Variants in GRM5 observed in about 807,000 individuals in gnomAD.
GRM5 encodes the protein glutamate metabotropic receptor 5.
Under a neutral mutation model 83.1 loss-of-function variants are expected in GRM5, and 19 were observed. The observed-to-expected ratio is 0.23, with a 90% CI of 0.16 to 0.34. The LOEUF is 0.34. Ranked by LOEUF, GRM5 falls within the 10% of genes least tolerant of loss-of-function variation. The probability of loss-of-function intolerance (pLI) is 1.00; values close to 1 mark genes in which losing one functional copy is unlikely to be tolerated. For synonymous variants in GRM5, 675 were observed against 633.6 expected, an observed-to-expected ratio of 1.07 and a Z score of -0.98; for missense variants, 1,160 against 1,588.3, an observed-to-expected ratio of 0.73 and a Z score of 4.58.
At chr11:88,556,077 A>C (rs1004507428) in intron 8 of GRM5, among the ~76,000 whole-genome samples, 1 of 152,166 alleles carries the variant, frequency 6.6e-6, no homozygotes, top group Non-Finnish European at 1.5e-5. Context: ...TTGCCACCGA[A>C]GGATGTAATG....
chr11:88,712,934 A>ATCTT (rs1941313752), intron 3 of GRM5, among the ~76,000 whole-genome samples: 1 of 152,008 alleles, frequency 6.6e-6, no homozygotes, highest in African/African-American at 2.4e-5. Flanking sequence ...CCTATGTGGT[A>ATCTT]TCTTTGATAT....
At chr11:88,986,876 G>C (rs1320228721) in intron 2 of GRM5, among the ~76,000 whole-genome samples, 1 of 151,790 alleles carries the variant, frequency 6.6e-6, no homozygotes, top group Non-Finnish European at 1.5e-5. Context: ...TCCACTTCTA[G>C]TTAATTTTTG....
intron 2 of GRM5, among the ~76,000 whole-genome samples, chr11:88,896,766 C>T (rs1945234751): frequency 6.6e-6 from 1 of 151,866 alleles, no homozygotes; most frequent in South Asian, 2.1e-4. Context: ...TGGCCACATA[C>T]ATTGGGAAAG....
At chr11:88,523,993 C>A (rs986288049) in intron 9 of GRM5, 12 of 152,100 alleles carry the variant, frequency 7.9e-5, no homozygotes, top group African/African-American at 2.9e-4. Flanking sequence ...TTCCTTTTCT[C>A]TAATCCAGGA....
intron 9 of GRM5, among the ~76,000 whole-genome samples, chr11:88,517,737 G>A (rs987020054): frequency 2.6e-5 from 4 of 152,062 alleles, no homozygotes; most frequent in African/African-American, 9.7e-5. Context: ...CATGTCAGGC[G>A]GTTCCCATTT....
At chr11:88,734,912 G>A (rs1009738216) in intron 3 of GRM5, among the ~76,000 whole-genome samples, 3 of 152,036 alleles carry the variant, frequency 2.0e-5, no homozygotes, top group Non-Finnish European at 4.4e-5. Flanking sequence ...TGACCAAGGA[G>A]AGACATCATA....
chr11:88,845,321 C>CTTT (rs1555026149), intron 3 of GRM5, among the ~76,000 whole-genome samples: 8 of 142,410 alleles, frequency 5.6e-5, no homozygotes, highest in African/African-American at 2.1e-4. Context: ...TGATCACTTG[C>CTTT]TTTTTTTTTT....
chr11:88,986,544 G>A (rs1478389607), intron 2 of GRM5, among the ~76,000 whole-genome samples: 1 of 151,814 alleles, frequency 6.6e-6, no homozygotes, highest in African/African-American at 2.4e-5. Flanking sequence ...TTTTTATTTG[G>A]GTTACTTGTT....
chr11:88,762,370 C>T (rs1005049412), intron 3 of GRM5, among the ~76,000 whole-genome samples: 3 of 151,908 alleles, frequency 2.0e-5, no homozygotes, highest in African/African-American at 7.2e-5. Flanking sequence ...AAAATGTGGA[C>T]AAAGTACATG....
rs563547353 is a variant in GRM5, at chr11:88,967,587, G to A, written c.661+79625C>T. Among the ~76,000 whole-genome samples, 392 of 151,944 alleles carry A rather than the reference G, an allele frequency of 2.6e-3. 1 individual carries two copies. Among genetic ancestry groups the A allele is most frequent in the African/African-American group, 8.7e-3 (361 of 41,448 alleles). On this transcript the variant is annotated intron_variant, in intron 2 of 9. Coordinates refer to ENST00000305447, the MANE Select transcript of GRM5 (RefSeq NM_001143831.3). ...ATAAGGACACTACTCCTGCAATAACGGCATTAATCCATTCATGAGGGCAAA... is the reference window on the plus strand; with the variant it reads ...ATAAGGACACTACTCCTGCAATAACAGCATTAATCCATTCATGAGGGCAAA...
At chr11:89,046,931 A>C (rs1450934504) in intron 2 of GRM5, among the ~76,000 whole-genome samples, 1 of 152,228 alleles carries the variant, frequency 6.6e-6, no homozygotes, top group East Asian at 1.9e-4. Flanking sequence ...AAATCATTAG[A>C]GTAGAAGTAT....
At chr11:88,951,708 C>T (rs766809194) in intron 2 of GRM5, among the ~76,000 whole-genome samples, 33 of 152,122 alleles carry the variant, frequency 2.2e-4, no homozygotes, top group African/African-American at 6.3e-4. Flanking sequence ...TAAACAACAA[C>T]GTCTATAGTG....
chr11:88,712,408 G>A (rs1941302665), intron 3 of GRM5, among the ~76,000 whole-genome samples: 1 of 151,942 alleles, frequency 6.6e-6, no homozygotes, highest in Non-Finnish European at 1.5e-5. Context: ...GTAGAGAAAT[G>A]ATGTCTTATT....
chr11:88,948,108 G>A (rs938179110), intron 2 of GRM5, among the ~76,000 whole-genome samples: 3 of 152,090 alleles, frequency 2.0e-5, no homozygotes, highest in African/African-American at 7.2e-5. Flanking sequence ...AGCCAGAGAA[G>A]TCCCGATTTT....
intron 3 of GRM5, among the ~76,000 whole-genome samples, chr11:88,741,412 A>C (rs1421943392): frequency 6.6e-6 from 1 of 152,106 alleles, no homozygotes; most frequent in Non-Finnish European, 1.5e-5. Flanking sequence ...GCTAAACTTC[A>C]TTTGATGGGG....
intron 8 of GRM5, among the ~76,000 whole-genome samples, chr11:88,562,760 C>T (rs538364198): frequency 4.4e-4 from 67 of 152,110 alleles, no homozygotes; most frequent in Non-Finnish European, 7.9e-4. Flanking sequence ...ACACCTGACA[C>T]GCCATTTTTT....
rs76363310 is a variant in GRM5, at chr11:88,813,816, A to G, written c.911+36090T>C. ...TGGAGAATTTCAGGCTTGGGTAGGA[A>G]TATACAATACTGAATAAAGTGGCTC... On this transcript the variant is annotated intron_variant, in intron 3 of 9. Coordinates refer to ENST00000305447, the MANE Select transcript of GRM5 (RefSeq NM_001143831.3). 3.3e-4 allele frequency among the ~76,000 whole-genome samples: 51 copies of G among 152,290 alleles called. No homozygotes were observed. The East Asian group carries it at 9.6e-3, about 29-fold the overall frequency.
rs115944302 is a variant in GRM5, at chr11:88,519,939, G to A, written c.2726+5370C>T. 5.7e-3 allele frequency among the ~76,000 whole-genome samples: 863 copies of A among 152,162 alleles called. 7 individuals carry two copies. Among genetic ancestry groups the A allele is most frequent in the African/African-American group, 0.02 (824 of 41,530 alleles). ...GATAAGTGCTATAATATAATCTGAC[G>A]TTTATAGAAAATTGATATTAAAGAG... On this transcript the variant is annotated intron_variant, in intron 9 of 9. Coordinates refer to ENST00000305447, the MANE Select transcript of GRM5 (RefSeq NM_001143831.3).
intron 3 of GRM5, among the ~76,000 whole-genome samples, chr11:88,765,409 AAAAAAAC>A (rs1373371691): frequency 3.3e-4 from 50 of 149,466 alleles, no homozygotes; most frequent in African/African-American, 1.1e-3. Flanking sequence ...AAAAAAAAAA[AAAAAAAC>A]AAAGTGGAAG....
Sources: allele counts gnomAD v4.1 joint callset (sites outside exome capture counted in the v4.1 genomes callset), GRCh38; gene constraint gnomAD v4.1.1; transcripts MANE v1.5; gene names NCBI Gene and HGNC (gene_info 2026-07-23, HGNC 2026-07-21).